The following PRKCE variants were observed in gnomAD, a reference collection of about 807,000 sequenced individuals.
PRKCE encodes protein kinase C epsilon, also known as protein kinase C epsilon type.
In PRKCE, 16 loss-of-function variants were observed where a neutral mutation model predicts 85.4. The observed-to-expected ratio is 0.19, with a 90% CI of 0.13 to 0.28. PRKCE has a LOEUF of 0.28. Ranked by LOEUF, PRKCE falls within the 10% of genes least tolerant of loss-of-function variation. The pLI, the probability that PRKCE is intolerant of heterozygous loss-of-function variation, is 1.00. For missense variants in PRKCE, 573 were observed against 975.2 expected, an observed-to-expected ratio of 0.59 and a Z score of 5.49; for synonymous variants, 388 against 371.5, an observed-to-expected ratio of 1.04 and a Z score of -0.51.
Position 45,651,902 on chromosome 2 carries a change from A to T in PRKCE, c.-199A>T, listed in dbSNP as rs1675143080. The T allele has an allele frequency of 6.2e-6, 3 of 480,530 alleles. No individual in the cohort carries two copies. Among genetic ancestry groups the T allele is most frequent in the Non-Finnish European group, 1.1e-5 (3 of 272,992 alleles). The allele number at this position is 480,530 out of a possible 1,614,324, so 29.8% of individuals were successfully genotyped here. The stretch of plus-strand genomic sequence containing the variant: ...CTCTCCCCCCTCCCTGTTTTCCGTT[A>T]GGAACCCGGCGAGGAAATACATGCA... On this transcript the variant is annotated 5_prime_UTR_variant, in exon 1 of 15. Coordinates refer to ENST00000306156, the MANE Select transcript of PRKCE (RefSeq NM_005400.3).
At chr2:45,820,720 C>T (rs1261170781) in intron 1 of PRKCE, among the ~76,000 whole-genome samples, 1 of 152,156 alleles carries the variant, frequency 6.6e-6, no homozygotes, top group Non-Finnish European at 1.5e-5. Context: ...TCTCTGTCTT[C>T]ATTTGTTGTT....
At position 45,854,180 on chromosome 2, in the gene PRKCE, G is replaced by T. The variant is rs570610484; in HGVS notation, c.412+11117G>T. ...TGGTCCAGAACTGAGACCTGGCCCG[G>T]TGCAGTGTGGCTCCCTGTTGGCCTT... is the stretch of plus-strand genomic sequence containing the variant. On this transcript the variant is annotated intron_variant, in intron 2 of 14. Transcript: ENST00000306156. Among the ~76,000 whole-genome samples the T allele has an allele frequency of 1.6e-4, 25 of 152,360 alleles. No homozygotes were observed. The South Asian group carries it at 5.2e-3, about 32-fold the overall frequency.
At chr2:45,721,821 G>A (rs1680644783) in intron 1 of PRKCE, among the ~76,000 whole-genome samples, 1 of 151,448 alleles carries the variant, frequency 6.6e-6, no homozygotes, top group Non-Finnish European at 1.5e-5. Context: ...AAGCTGCAGT[G>A]AGCTATGATC....
chr2:45,996,182 C>T (rs974319568), intron 6 of PRKCE, among the ~76,000 whole-genome samples: 7 of 152,014 alleles, frequency 4.6e-5, no homozygotes, highest in East Asian at 3.8e-4. Flanking sequence ...TATAGGAAAA[C>T]AACTGACTTT....
chr2:45,917,023 AAC>A (rs1487094844), intron 2 of PRKCE, among the ~76,000 whole-genome samples: 1 of 152,104 alleles, frequency 6.6e-6, no homozygotes, highest in Non-Finnish European at 1.5e-5. Context: ...TGAAAGAACA[AAC>A]CTTCCACAGT....
At chr2:45,773,441 G>T (rs1202611700) in intron 1 of PRKCE, among the ~76,000 whole-genome samples, 1 of 152,172 alleles carries the variant, frequency 6.6e-6, no homozygotes, top group Non-Finnish European at 1.5e-5. Context: ...TGTAAGGGAG[G>T]TGCTGTCATC....
intron 11 of PRKCE, among the ~76,000 whole-genome samples, chr2:46,140,939 A>G: frequency 6.6e-6 from 1 of 152,204 alleles, no homozygotes; most frequent in East Asian, 1.9e-4. Flanking sequence ...GAGAAACTTA[A>G]TAATATAATG....
intron 1 of PRKCE, among the ~76,000 whole-genome samples, chr2:45,686,991 T>G (rs1677347553): frequency 6.6e-6 from 1 of 152,108 alleles, no homozygotes; most frequent in African/African-American, 2.4e-5. Flanking sequence ...TATTTAAATA[T>G]TAAAAGCAAT....
chr2:46,108,341 T>C (rs1423496782), intron 11 of PRKCE, among the ~76,000 whole-genome samples: 1 of 152,220 alleles, frequency 6.6e-6, no homozygotes. Context: ...TTTAATGAAA[T>C]CATATCTTTT....
At chr2:45,672,390 C>T (rs143236668) in intron 1 of PRKCE, among the ~76,000 whole-genome samples, 14 of 152,234 alleles carry the variant, frequency 9.2e-5, no homozygotes, top group Non-Finnish European at 1.6e-4. Context: ...ATCCATCCAT[C>T]CATCCATCTA....
intron 8 of PRKCE, among the ~76,000 whole-genome samples, chr2:46,006,756 A>G (rs930278274): frequency 6.6e-6 from 1 of 152,262 alleles, no homozygotes; most frequent in African/African-American, 2.4e-5. Context: ...CATAAGCTCT[A>G]GAGCGGGGCA....
chr2:45,673,747 G>A (rs929239083), intron 1 of PRKCE, among the ~76,000 whole-genome samples: 4 of 152,170 alleles, frequency 2.6e-5, no homozygotes, highest in Non-Finnish European at 4.4e-5. Context: ...TATGAAAATA[G>A]AAGTGCAAAC....
intron 2 of PRKCE, among the ~76,000 whole-genome samples, chr2:45,896,703 C>A (rs1696170471): frequency 1.3e-5 from 2 of 152,114 alleles, no homozygotes; most frequent in African/African-American, 4.8e-5. Context: ...GGCAAATAAT[C>A]CTGAGATTGA....
At chr2:46,166,155 A>T (rs1678317503) in intron 14 of PRKCE, among the ~76,000 whole-genome samples, 1 of 152,224 alleles carries the variant, frequency 6.6e-6, no homozygotes, top group Non-Finnish European at 1.5e-5. Context: ...AAACCTGGGA[A>T]GTGGGCTCGA....
At chr2:46,144,588 C>A (rs1675884191) in intron 11 of PRKCE, among the ~76,000 whole-genome samples, 1 of 152,212 alleles carries the variant, frequency 6.6e-6, no homozygotes, top group Admixed American at 6.5e-5. Context: ...ACTGCCTGCA[C>A]TAGCTGTTTG....
chr2:45,679,883 G>T (rs1302653784), intron 1 of PRKCE, among the ~76,000 whole-genome samples: 2 of 152,214 alleles, frequency 1.3e-5, no homozygotes, highest in Non-Finnish European at 2.9e-5. Context: ...CAACATGAAG[G>T]TGAAGTCCTT....
rs34134779 is a variant in PRKCE, at chr2:45,910,043, G to GCC, written c.413-66378_413-66377dup. Among the ~76,000 whole-genome samples, 667 of 147,932 alleles carry GCC rather than the reference G, an allele frequency of 4.5e-3. 1 individual carries two copies. Among genetic ancestry groups the GCC allele is most frequent in the Middle Eastern group, 6.8e-3 (2 of 292 alleles). On this transcript the variant is annotated intron_variant, in intron 2 of 14. Coordinates refer to ENST00000306156, the MANE Select transcript of PRKCE (RefSeq NM_005400.3). ...AATGGCCCTTTCCAGTAAACTCACC[G>GCC]CCCCCCCCCAGCCAAGTGCCCAGGA...
At chr2:45,807,832 C>T (rs1440823001) in intron 1 of PRKCE, among the ~76,000 whole-genome samples, 2 of 152,106 alleles carry the variant, frequency 1.3e-5, no homozygotes, top group African/African-American at 2.4e-5. Flanking sequence ...CTGCTGTGAG[C>T]TCAAGTTTGA....
At chr2:45,971,948 C>T (rs1279508080) in intron 2 of PRKCE, among the ~76,000 whole-genome samples, 1 of 152,156 alleles carries the variant, frequency 6.6e-6, no homozygotes, top group Non-Finnish European at 1.5e-5. Flanking sequence ...GAGGACTCTT[C>T]AGGGTCCTTA....
Sources: gnomAD v4.1 joint callset for allele counts (sites outside exome capture counted in the v4.1 genomes callset) on GRCh38, gnomAD v4.1.1 for gene constraint, MANE v1.5 for transcripts, NCBI Gene and HGNC (gene_info 2026-07-23, HGNC 2026-07-21) for gene names.